TNRC6B: variants seen among roughly 807,000 people sequenced by gnomAD.
TNRC6B encodes the protein trinucleotide repeat containing adaptor 6B.
TNRC6B carries 52 observed loss-of-function variants against 203.6 expected under a neutral mutation model. That is an observed-to-expected ratio of 0.26 (90% CI 0.20 to 0.32). TNRC6B has a LOEUF of 0.32. Ranked by LOEUF, TNRC6B falls within the 10% of genes least tolerant of loss-of-function variation. The pLI is 1.00. For synonymous variants in TNRC6B, 838 were observed against 845.7 expected, an observed-to-expected ratio of 0.99 and a Z score of 0.16; for missense variants, 1,923 against 2,286.2, an observed-to-expected ratio of 0.84 and a Z score of 3.24.
At chr22:40,258,593 GT>G (rs1003547322) in intron 3 of TNRC6B, among the ~76,000 whole-genome samples, 5 of 152,018 alleles carry the variant, frequency 3.3e-5, no homozygotes, top group African/African-American at 9.7e-5. Context: ...TGGAGGTTTT[GT>G]TTTTTTCTTT....
chr22:40,263,039 T>TA (rs34886394), intron 4 of TNRC6B, among the ~76,000 whole-genome samples: 3,021 of 134,700 alleles, frequency 0.022, 91 homozygotes, highest in African/African-American at 0.076. Context: ...GACTCCGTCT[T>TA]AAAAAAAAAA....
intron 4 of TNRC6B, among the ~76,000 whole-genome samples, chr22:40,170,334 T>C: frequency 1.3e-5 from 1 of 79,626 alleles, no homozygotes; most frequent in East Asian, 2.8e-4. Flanking sequence ...ATATATATTA[T>C]ATATAGTTTA....
intron 1 of TNRC6B, among the ~76,000 whole-genome samples, chr22:40,203,749 A>G (rs1328878736): frequency 6.6e-6 from 1 of 152,192 alleles, no homozygotes; most frequent in African/African-American, 2.4e-5. Flanking sequence ...TTCCTGCCAC[A>G]TGGCAGGTGC....
In TNRC6B at chr22:40,281,168, C is replaced by G. The variant is rs1217307700; in HGVS notation, c.3461C>G (p.Pro1154Arg). The change falls in exon 11 of 23, where the codon CCC (proline) becomes CGC (arginine). Residue 1154 changes from proline to arginine, a missense_variant. Around this residue, in one of 8 missense-constraint regions of TNRC6B, gnomAD observed 599 missense variants for 656.5 expected, o/e 0.91. Coordinates refer to ENST00000454349, the MANE Select transcript of TNRC6B (RefSeq NM_001162501.2). ...NQDGCLGDEAPCSPFSPSPSY... is the reference protein window; with the variant it reads ...NQDGCLGDEARCSPFSPSPSY... Reference sequence around the variant, plus strand: ...GATGGGTGCCTTGGGGATGAGGCTCCCTGCTCTCCCTTCTCCCCTTCTCCC... The same window carrying G: ...GATGGGTGCCTTGGGGATGAGGCTCGCTGCTCTCCCTTCTCCCCTTCTCCC... 1.9e-6 allele frequency: 3 copies of G among 1,551,038 alleles called. No individual in the cohort carries two copies. The highest frequency in any genetic ancestry group is 2.6e-6 in the Non-Finnish European group (3 of 1,146,730).
intron 19 of TNRC6B, among the ~76,000 whole-genome samples, chr22:40,313,744 C>T (rs958947353): frequency 6.6e-6 from 1 of 152,210 alleles, no homozygotes; most frequent in Admixed American, 6.5e-5. Flanking sequence ...GTTCTCCTTC[C>T]CACCTCTCTG....
intron 15 of TNRC6B, among the ~76,000 whole-genome samples, chr22:40,302,483 AT>A (rs1395747690): frequency 6.6e-6 from 1 of 152,062 alleles, no homozygotes; most frequent in African/African-American, 2.4e-5. Flanking sequence ...AAATACAAAA[AT>A]TAGCCGGACG....
intron 1 of TNRC6B, among the ~76,000 whole-genome samples, chr22:40,111,972 G>A (rs2068339460): frequency 6.6e-6 from 1 of 152,116 alleles, no homozygotes; most frequent in South Asian, 2.1e-4. Flanking sequence ...GCGGTGGCAG[G>A]CGCCTGTAAT....
At chr22:40,253,516 TCCAATTGGGGGC>T in intron 3 of TNRC6B, 2 of 446,752 alleles carry the variant, frequency 4.5e-6, no homozygotes, top group Admixed American at 4.9e-5. Flanking sequence ...TTTTTTTTTT[TCCAATTGGGGGC>T]TTTCTCATAC....
At chr22:40,301,365 A>G in intron 15 of TNRC6B, 32 bp downstream of exon 15, 4 of 1,591,960 alleles carry the variant, frequency 2.5e-6, no homozygotes, top group Non-Finnish European at 3.4e-6. Flanking sequence ...TTACCTTTTT[A>G]GAAATCTACC....
intron 1 of TNRC6B, among the ~76,000 whole-genome samples, chr22:40,048,498 G>A (rs112365082): frequency 0.046 from 6,795 of 147,390 alleles, 472 homozygotes; most frequent in African/African-American, 0.15. Flanking sequence ...CTGAGATCGC[G>A]CCACTGCACT....
At chr22:40,274,834 CAGT>C (rs1273546532) in intron 7 of TNRC6B, among the ~76,000 whole-genome samples, 1 of 152,178 alleles carries the variant, frequency 6.6e-6, no homozygotes, top group East Asian at 1.9e-4. Flanking sequence ...CAATCTAGAA[CAGT>C]AGTCTTTGAG....
intron 12 of TNRC6B, among the ~76,000 whole-genome samples, chr22:40,297,584 G>A (rs371933045): frequency 6.6e-6 from 1 of 152,196 alleles, no homozygotes; most frequent in Non-Finnish European, 1.5e-5. Context: ...AATACTTCGG[G>A]AGGCCAAGGC....
At chr22:40,209,086 A>G (rs2069524668) in intron 1 of TNRC6B, among the ~76,000 whole-genome samples, 1 of 152,188 alleles carries the variant, frequency 6.6e-6, no homozygotes, top group Non-Finnish European at 1.5e-5. Context: ...CAACTAAGTA[A>G]TTGAGCCAGA....
At chr22:40,134,316 A>C (rs891621939) in intron 3 of TNRC6B, among the ~76,000 whole-genome samples, 1 of 152,200 alleles carries the variant, frequency 6.6e-6, no homozygotes, top group Non-Finnish European at 1.5e-5. Flanking sequence ...TGTCTTCCCT[A>C]AAACCCATTA....
At chr22:40,299,755 C>T (rs1372793758) in intron 12 of TNRC6B, among the ~76,000 whole-genome samples, 1 of 152,130 alleles carries the variant, frequency 6.6e-6, no homozygotes, top group Non-Finnish European at 1.5e-5. Flanking sequence ...TCCATGGCCC[C>T]AACTAGTCCA....
intron 1 of TNRC6B, among the ~76,000 whole-genome samples, chr22:40,070,172 C>T (rs1333246356): frequency 1.3e-5 from 2 of 152,068 alleles, no homozygotes; most frequent in South Asian, 2.1e-4. Context: ...TTGCGTGTTC[C>T]GTGTGCCTTT....
chr22:40,259,089 G>A (rs989143565), intron 3 of TNRC6B, among the ~76,000 whole-genome samples: 1 of 152,202 alleles, frequency 6.6e-6, no homozygotes, highest in Non-Finnish European at 1.5e-5. Flanking sequence ...AGATAAAAGG[G>A]GATTGCGAAT....
rs770438837 is a variant in TNRC6B at position 40,261,943 on chromosome 22, C to T, written c.227C>T (p.Pro76Leu). The T allele has an allele frequency of 6.2e-7, 1 of 1,612,812 alleles. No individual in the cohort carries two copies. Among genetic ancestry groups the T allele is most frequent in the Non-Finnish European group, 8.5e-7 (1 of 1,179,178 alleles). ...AACAATGCCAAAAGGGTGGCAGTGC[C>T]GAACGGACAACCGCCAAGCGCCGCC... Reference protein sequence around the residue: ...GGNNAKRVAVPNGQPPSAARY... With the variant: ...GGNNAKRVAVLNGQPPSAARY... Residue 76 changes from proline to leucine, a missense_variant, in exon 4 of 23, where the codon CCG becomes CTG. This residue lies in a region of TNRC6B where 111 missense variants were observed against 155.3 expected (regional missense o/e 0.71). Coordinates refer to ENST00000454349, the MANE Select transcript of TNRC6B (RefSeq NM_001162501.2).
chr22:40,053,845 A>G (rs2067770970), intron 1 of TNRC6B, among the ~76,000 whole-genome samples: 1 of 152,084 alleles, frequency 6.6e-6, no homozygotes, highest in African/African-American at 2.4e-5. Flanking sequence ...AAAACTACAG[A>G]TGTGTTCTGT....
Sources: allele counts gnomAD v4.1 joint callset (sites outside exome capture counted in the v4.1 genomes callset), GRCh38; gene constraint gnomAD v4.1.1; regional missense constraint gnomAD v4.1.1; transcripts MANE v1.5; gene names NCBI Gene and HGNC (gene_info 2026-07-23, HGNC 2026-07-21).